Variants in CTNNA2 observed in about 807,000 individuals in gnomAD.
CTNNA2 encodes the protein catenin alpha-2.
A neutral mutation model predicts 101.0 loss-of-function variants in CTNNA2; 42 were observed. That is an observed-to-expected ratio of 0.42 (90% CI 0.32 to 0.54). CTNNA2 has a LOEUF of 0.54. Among genes scored for constraint, CTNNA2 ranks in the 20% least tolerant of loss-of-function variants. The pLI, the probability that CTNNA2 is intolerant of heterozygous loss-of-function variation, is 0.14. For synonymous variants in CTNNA2, 450 were observed against 456.4 expected (o/e 0.99, Z 0.18); for missense variants, 871 against 1,223.1 (o/e 0.71, Z 4.29).
chr2:80,550,515 T>C (rs1043154327), intron 11 of CTNNA2, among the ~76,000 whole-genome samples: 6 of 152,240 alleles, frequency 3.9e-5, no homozygotes, highest in African/African-American at 1.4e-4. Flanking sequence ...TTCTTTCAAA[T>C]TGGAGTCAGT....
At chr2:79,607,930 G>A (rs2104160340) in intron 1 of CTNNA2, among the ~76,000 whole-genome samples, 1 of 151,420 alleles carries the variant, frequency 6.6e-6, no homozygotes, top group East Asian at 1.9e-4. Flanking sequence ...AATCAGTTAG[G>A]TAGAAAAGAA....
chr2:80,122,113 C>CT (rs1346648431), intron 7 of CTNNA2, among the ~76,000 whole-genome samples: 2 of 152,088 alleles, frequency 1.3e-5, no homozygotes, highest in African/African-American at 4.8e-5. Flanking sequence ...GATGGCTCAC[C>CT]TTTTTTTCTG....
At chr2:80,441,966 C>T (rs1170920457) in intron 9 of CTNNA2, among the ~76,000 whole-genome samples, 3 of 152,204 alleles carry the variant, frequency 2.0e-5, no homozygotes, top group Admixed American at 1.3e-4. Flanking sequence ...AGGCAGTCCT[C>T]CATGGGCAGG....
chr2:80,093,149 C>T (rs1448729894), intron 7 of CTNNA2, among the ~76,000 whole-genome samples: 1 of 151,918 alleles, frequency 6.6e-6, no homozygotes, highest in East Asian at 1.9e-4. Flanking sequence ...GTGCTATCCC[C>T]CCTGCTCCCC....
rs1350144058 is a variant in CTNNA2 at position 80,124,475 on chromosome 2, G to A, written c.1056+214678G>A. ...GCATGAATCAAGAAAGTAGCGGTCC[G>A]GGGTTCGCAACCAAATATAACTTCA... is the stretch of plus-strand genomic sequence containing the variant. On this transcript the variant is annotated intron_variant, in intron 7 of 18. Coordinates refer to ENST00000402739, the MANE Select transcript of CTNNA2 (RefSeq NM_001282597.3). 3.9e-5 allele frequency among the ~76,000 whole-genome samples: 6 copies of A among 152,040 alleles called. No homozygotes were observed. In the South Asian group the frequency reaches 6.2e-4, roughly 16 times the overall value.
chr2:80,576,810 AC>A (rs1387042579), intron 13 of CTNNA2, among the ~76,000 whole-genome samples: 1 of 148,410 alleles, frequency 6.7e-6, no homozygotes, highest in African/African-American at 2.5e-5. Flanking sequence ...AAAAAAAAAT[AC>A]AAAAATCAGC....
intron 9 of CTNNA2, among the ~76,000 whole-genome samples, chr2:80,448,357 C>G (rs977779165): frequency 2.6e-5 from 4 of 152,204 alleles, no homozygotes; most frequent in African/African-American, 9.6e-5. Flanking sequence ...ATCTCAAAAT[C>G]TTCAAATAGT....
At chr2:79,452,509 A>G (rs1315390922) in intron 4 of CTNNA2, among the ~76,000 whole-genome samples, 1 of 151,996 alleles carries the variant, frequency 6.6e-6, no homozygotes, top group Admixed American at 6.6e-5. Context: ...TCTAAATATT[A>G]TAGTTAAGAG....
At position 79,189,992 on chromosome 2, in the gene CTNNA2, T is replaced by G. The variant is rs577094406; in HGVS notation, c.-524+4561T>G. On this transcript the variant is annotated intron_variant, in intron 1 of 21. Transcript: ENST00000466387. ...AGCTGAGGGGAAAATTAAGGCACAATTTATTTTCTTCTTTTCTACCAAATG... is the reference window on the plus strand; with the variant it reads ...AGCTGAGGGGAAAATTAAGGCACAAGTTATTTTCTTCTTTTCTACCAAATG... Among the ~76,000 whole-genome samples the G allele has an allele frequency of 1.2e-3, 187 of 152,258 alleles. 2 individuals are homozygous for G. Among genetic ancestry groups the G allele is most frequent in the African/African-American group, 4.3e-3 (179 of 41,558 alleles).
At chr2:79,496,056 G>A (rs866705297) in intron 4 of CTNNA2, among the ~76,000 whole-genome samples, 1 of 152,048 alleles carries the variant, frequency 6.6e-6, no homozygotes, top group Non-Finnish European at 1.5e-5. Flanking sequence ...TAATGAAAAT[G>A]TTCTAAAAAT....
At chr2:80,033,447 C>T (rs932660720) in intron 7 of CTNNA2, among the ~76,000 whole-genome samples, 1 of 151,958 alleles carries the variant, frequency 6.6e-6, no homozygotes, top group African/African-American at 2.4e-5. Context: ...GTGGCATGCA[C>T]CTGTAGGCCC....
Position 79,874,331 on chromosome 2 carries a change from A to G in CTNNA2, c.841A>G (p.Asn281Asp), listed in dbSNP as rs1682832487. ...TGIGELAAAL[N>D]EFDNKIILDP... The stretch of plus-strand genomic sequence containing the variant: ...CATCGGCGAGCTGGCTGCGGCTCTT[A>G]ATGAGTTTGACGTAAGCATCCTGGT... Residue 281 changes from asparagine to aspartate, a missense_variant, in exon 6 of 19, where the codon AAT becomes GAT. Physicochemically the swap from Asn to Asp is conservative, Grantham distance 23. This residue lies in a region of CTNNA2 where 647 missense variants were observed against 831.5 expected (regional missense o/e 0.78). Transcript: ENST00000402739. 2 of 1,613,778 alleles carry G rather than the reference A, an allele frequency of 1.2e-6. No individual in the cohort carries two copies. The highest frequency in any genetic ancestry group is 8.5e-7 in the Non-Finnish European group (1 of 1,180,006).
At chr2:80,451,035 A>T (rs1683462075) in intron 9 of CTNNA2, among the ~76,000 whole-genome samples, 1 of 151,824 alleles carries the variant, frequency 6.6e-6, no homozygotes, top group Non-Finnish European at 1.5e-5. Flanking sequence ...ATATACATAC[A>T]CTTACCTTTC....
chr2:80,161,326 C>A (rs1490799428), intron 7 of CTNNA2, among the ~76,000 whole-genome samples: 1 of 151,834 alleles, frequency 6.6e-6, no homozygotes, highest in Non-Finnish European at 1.5e-5. Flanking sequence ...CTTAGCTTAT[C>A]ATTATTATTA....
At chr2:79,289,040 T>C (rs1279994527) in intron 2 of CTNNA2, among the ~76,000 whole-genome samples, 1 of 152,230 alleles carries the variant, frequency 6.6e-6, no homozygotes, top group Non-Finnish European at 1.5e-5. Context: ...TGTTTCATAA[T>C]AGAATTTTAG....
chr2:79,963,235 G>A (rs1005647870), intron 7 of CTNNA2, among the ~76,000 whole-genome samples: 7 of 152,034 alleles, frequency 4.6e-5, no homozygotes, highest in South Asian at 2.1e-4. Context: ...ATGTGTGTTC[G>A]TTTACATTGT....
intron 7 of CTNNA2, among the ~76,000 whole-genome samples, chr2:79,955,754 G>A (rs1345540878): frequency 2.6e-5 from 4 of 152,052 alleles, no homozygotes; most frequent in Admixed American, 6.5e-5. Flanking sequence ...GGGCTTAAGC[G>A]ATCCTTCTGC....
At chr2:79,944,510 G>A (rs755112623) in intron 7 of CTNNA2, among the ~76,000 whole-genome samples, 1 of 152,166 alleles carries the variant, frequency 6.6e-6, no homozygotes, top group African/African-American at 2.4e-5. Flanking sequence ...AGGCCACTAT[G>A]TCACTCCAGT....
intron 7 of CTNNA2, among the ~76,000 whole-genome samples, chr2:80,250,563 G>C (rs1353058023): frequency 6.6e-6 from 1 of 152,070 alleles, no homozygotes; most frequent in African/African-American, 2.4e-5. Flanking sequence ...ATGGAGCAGA[G>C]GGTTCCAGGA....
Sources: gnomAD v4.1 joint callset for allele counts (sites outside exome capture counted in the v4.1 genomes callset) on GRCh38, gnomAD v4.1.1 for gene constraint, gnomAD v4.1.1 regional missense constraint, MANE v1.5 for transcripts, NCBI Gene and HGNC (gene_info 2026-07-23, HGNC 2026-07-21) for gene names.